Variants in PPP2R5E observed in about 807,000 individuals in gnomAD.
PPP2R5E encodes the protein serine/threonine-protein phosphatase 2A 56 kDa regulatory subunit epsilon isoform.
PPP2R5E carries 4 observed loss-of-function variants against 65.3 expected under a neutral mutation model. The ratio of observed to expected loss-of-function variants is 0.06; its 90% CI spans 0.03 to 0.14. The LOEUF is 0.14. Ranked by LOEUF, PPP2R5E falls within the 10% of genes least tolerant of loss-of-function variation. The pLI is 1.00. For missense variants in PPP2R5E, 274 were observed against 556.1 expected (o/e 0.49, Z 5.10); for synonymous variants, 183 against 187.4 (o/e 0.98, Z 0.19).
At chr14:63,532,663 C>T (rs10150465) in intron 2 of PPP2R5E, among the ~76,000 whole-genome samples, 16,477 of 152,176 alleles carry the variant, frequency 0.11, 943 homozygotes, top group East Asian at 0.16. Context: ...TGACTATTAA[C>T]GTCATCATCA....
chr14:63,513,783 C>T (rs1355855677), intron 2 of PPP2R5E, among the ~76,000 whole-genome samples: 1 of 152,176 alleles, frequency 6.6e-6, no homozygotes, highest in Non-Finnish European at 1.5e-5. Context: ...ACTTATATAG[C>T]GCTCATCTTT....
chr14:63,500,630 G>A (rs1891828840), intron 2 of PPP2R5E, among the ~76,000 whole-genome samples: 1 of 152,128 alleles, frequency 6.6e-6, no homozygotes, highest in South Asian at 2.1e-4. Context: ...ACGGCAAGAG[G>A]ATCTCTTGAG....
intron 3 of PPP2R5E, among the ~76,000 whole-genome samples, chr14:63,448,093 A>T (rs757694244): frequency 2.0e-5 from 3 of 151,658 alleles, no homozygotes; most frequent in East Asian, 2.0e-4. Context: ...GTCAGGAGAT[A>T]GAGACCATCC....
In PPP2R5E at chr14:63,375,934, G is replaced by C. The variant is rs1883958991; in HGVS notation, c.*75C>G. On this transcript the variant is annotated 3_prime_UTR_variant, in exon 14 of 14. Transcript: ENST00000337537. Reference sequence around the variant, plus strand: ...ATCTACTGTAAAGTTGCACAATACAGAAAACTGTTGCTCCATCTTCTACTA... The same window carrying C: ...ATCTACTGTAAAGTTGCACAATACACAAAACTGTTGCTCCATCTTCTACTA... 1.9e-6 allele frequency: 2 copies of C among 1,067,016 alleles called. No homozygotes were observed. The highest frequency in any genetic ancestry group is 2.8e-6 in the Non-Finnish European group (2 of 706,596). The allele number at this position is 1,067,016 out of a possible 1,614,324, so 66.1% of individuals were successfully genotyped here.
At chr14:63,517,060 T>G (rs768009594) in intron 2 of PPP2R5E, among the ~76,000 whole-genome samples, 1 of 152,264 alleles carries the variant, frequency 6.6e-6, no homozygotes, top group African/African-American at 2.4e-5. Context: ...GTCTTATGAC[T>G]CAAAAAATAT....
At chr14:63,424,820 G>C (rs551932831) in intron 3 of PPP2R5E, among the ~76,000 whole-genome samples, 7 of 152,046 alleles carry the variant, frequency 4.6e-5, no homozygotes, top group African/African-American at 1.7e-4. Flanking sequence ...AAAAAGAAGA[G>C]CAAATGAAAA....
intron 2 of PPP2R5E, among the ~76,000 whole-genome samples, chr14:63,495,494 C>T (rs1049295230): frequency 6.8e-6 from 1 of 147,918 alleles, no homozygotes; most frequent in Non-Finnish European, 1.5e-5. Flanking sequence ...GGCAGGAGAA[C>T]TGCTTGAACC....
chr14:63,490,931 G>A lies in PPP2R5E; in HGVS notation c.158-37046C>T, dbSNP rs536789319. Among the ~76,000 whole-genome samples, 5 of 151,826 alleles carry A rather than the reference G, an allele frequency of 3.3e-5. No homozygotes were observed. In the South Asian group the frequency reaches 1.0e-3, roughly 32 times the overall value. ...TGGTTGTTCAACCAAAAAGACACCT[G>A]CACTCTCATGTTCATCATAGCACTA... On this transcript the variant is annotated intron_variant, in intron 2 of 13. Coordinates refer to ENST00000337537, the MANE Select transcript of PPP2R5E (RefSeq NM_006246.5).
At chr14:63,533,365 C>T (rs917214963) in intron 2 of PPP2R5E, among the ~76,000 whole-genome samples, 2 of 151,702 alleles carry the variant, frequency 1.3e-5, no homozygotes, top group African/African-American at 4.8e-5. Context: ...AGTTCATGAC[C>T]AGCCTGACCA....
intron 2 of PPP2R5E, among the ~76,000 whole-genome samples, chr14:63,454,112 T>C (rs1007254563): frequency 3.9e-5 from 6 of 152,354 alleles, no homozygotes; most frequent in African/African-American, 1.4e-4. Context: ...GTATTTGCTA[T>C]TCCACAACCA....
At chr14:63,458,202 G>A (rs1306604292) in intron 2 of PPP2R5E, among the ~76,000 whole-genome samples, 1 of 152,182 alleles carries the variant, frequency 6.6e-6, no homozygotes, top group Non-Finnish European at 1.5e-5. Flanking sequence ...GAAGTCAACA[G>A]GATCTATATA....
chr14:63,385,619 C>T (rs1884617750), intron 11 of PPP2R5E, among the ~76,000 whole-genome samples: 1 of 152,122 alleles, frequency 6.6e-6, no homozygotes, highest in Non-Finnish European at 1.5e-5. Context: ...CTAAGTACCT[C>T]CTATGGGCAG....
chr14:63,459,899 A>C (rs551381248), intron 2 of PPP2R5E, among the ~76,000 whole-genome samples: 1 of 152,356 alleles, frequency 6.6e-6, no homozygotes, highest in South Asian at 2.1e-4. Context: ...GGAAACATTT[A>C]CAACAGTGAA....
At chr14:63,465,751 C>T (rs1306742157) in intron 2 of PPP2R5E, among the ~76,000 whole-genome samples, 3 of 152,182 alleles carry the variant, frequency 2.0e-5, no homozygotes, top group African/African-American at 7.2e-5. Context: ...CTCTTCTGCA[C>T]TTGTCTTTTA....
intron 2 of PPP2R5E, among the ~76,000 whole-genome samples, chr14:63,491,815 C>T (rs142984652): frequency 6.6e-6 from 1 of 152,024 alleles, no homozygotes; most frequent in African/African-American, 2.4e-5. Flanking sequence ...CCATTGCACT[C>T]CAGTCTGGGT....
Position 63,489,986 on chromosome 14 carries a change from G to A in PPP2R5E, c.158-36101C>T, listed in dbSNP as rs547477255. The stretch of plus-strand genomic sequence containing the variant: ...GAGTATCTTAAAAACAAGTAGCTGA[G>A]GTAAGCAACTATAAACATATTTTTT... On this transcript the variant is annotated intron_variant, in intron 2 of 13. Transcript: ENST00000337537. Among the ~76,000 whole-genome samples the A allele has an allele frequency of 2.6e-5, 4 of 152,094 alleles. No individual in the cohort carries two copies. In the East Asian group the frequency reaches 7.7e-4, roughly 29 times the overall value.
chr14:63,400,422 T>G (rs7157776), intron 5 of PPP2R5E, among the ~76,000 whole-genome samples: 1 of 152,088 alleles, frequency 6.6e-6, no homozygotes, highest in Non-Finnish European at 1.5e-5. Context: ...GAGTTAGAAG[T>G]GGGATATGAG....
intron 3 of PPP2R5E, among the ~76,000 whole-genome samples, chr14:63,424,689 T>G (rs1463483969): frequency 6.8e-6 from 1 of 146,072 alleles, no homozygotes; most frequent in East Asian, 2.0e-4. Context: ...AGGCGGAGCT[T>G]GCAGTGAGCC....
intron 2 of PPP2R5E, among the ~76,000 whole-genome samples, chr14:63,488,321 C>T (rs763223216): frequency 6.6e-6 from 1 of 152,024 alleles, no homozygotes; most frequent in East Asian, 1.9e-4. Flanking sequence ...CCTCAGCCTC[C>T]CAAATAGCTA....
Sources: gnomAD v4.1 joint callset for allele counts (sites outside exome capture counted in the v4.1 genomes callset) on GRCh38, gnomAD v4.1.1 for gene constraint, MANE v1.5 for transcripts, NCBI Gene and HGNC (gene_info 2026-07-23, HGNC 2026-07-21) for gene names.